B4GALT6: variants seen among roughly 807,000 people sequenced by gnomAD.
B4GALT6 encodes beta-1,4-galactosyltransferase 6, also known as UDP-Gal:beta-GlcNAc beta-1,4-galactosyltransferase 6.
A neutral mutation model predicts 46.3 loss-of-function variants in B4GALT6; 14 were observed. That is an observed-to-expected ratio of 0.30 (90% confidence interval 0.20 to 0.47). The LOEUF (loss-of-function observed/expected upper bound fraction) is 0.47. Among genes scored for constraint, B4GALT6 ranks in the 20% least tolerant of loss-of-function variants. The probability of loss-of-function intolerance (pLI) is 0.99; values close to 1 mark genes in which losing one functional copy is unlikely to be tolerated. For missense variants in B4GALT6, 386 were observed against 480.1 expected (o/e 0.80, Z 1.83); for synonymous variants, 168 against 162.0 (o/e 1.04, Z -0.28).
intron 3 of B4GALT6, among the ~76,000 whole-genome samples, chr18:31,656,414 T>C (rs2074139730): frequency 6.6e-6 from 1 of 152,036 alleles, no homozygotes; most frequent in African/African-American, 2.4e-5. Flanking sequence ...GGGTAGAAGA[T>C]ACACACACAA....
chr18:31,658,461 T>C (rs2074170563), intron 2 of B4GALT6: 1 of 169,616 alleles, frequency 5.9e-6, no homozygotes, highest in Non-Finnish European at 1.3e-5. Context: ...TCCAAACCGC[T>C]GCGTGCTGCT....
At chr18:31,632,288 G>T (rs1000059080) in intron 5 of B4GALT6, among the ~76,000 whole-genome samples, 2 of 152,002 alleles carry the variant, frequency 1.3e-5, no homozygotes, top group African/African-American at 4.8e-5. Context: ...TTTTTCACCA[G>T]TGAAATAAAA....
the B4GALT6 span, among the ~76,000 whole-genome samples, chr18:31,709,340 CAGG>C: frequency 6.6e-6 from 1 of 151,264 alleles, no homozygotes; most frequent in Non-Finnish European, 1.5e-5. Context: ...GCTGGGATTA[CAGG>C]CATGCACCAC....
chr18:31,626,438 G>A, intron 7 of B4GALT6, 54 bp from the exon 8 acceptor site: 2 of 1,004,044 alleles, frequency 2.0e-6, no homozygotes, highest in Non-Finnish European at 1.5e-6. Flanking sequence ...ATGAAAATGG[G>A]TTATGTGAGT....
At chr18:31,709,603 G>GTGTGTGTGTGTA in the B4GALT6 span, among the ~76,000 whole-genome samples, 6 of 135,480 alleles carry the variant, frequency 4.4e-5, no homozygotes, top group African/African-American at 1.8e-4. Flanking sequence ...GTGTGTGTGT[G>GTGTGTGTGTGTA]TATATATATA....
chr18:31,671,700 T>C (rs193243722), intron 1 of B4GALT6, among the ~76,000 whole-genome samples: 8 of 152,326 alleles, frequency 5.3e-5, no homozygotes, highest in Non-Finnish European at 1.2e-4. Context: ...AGACTTTAGG[T>C]AGAGAAAATC....
At chr18:31,711,314 T>C in the B4GALT6 span, among the ~76,000 whole-genome samples, 3 of 152,144 alleles carry the variant, frequency 2.0e-5, no homozygotes, top group African/African-American at 4.8e-5. Flanking sequence ...TACAGGTAAA[T>C]TCATGCCACA....
chr18:31,674,007 T>A (rs2074387585), intron 1 of B4GALT6, among the ~76,000 whole-genome samples: 1 of 152,104 alleles, frequency 6.6e-6, no homozygotes, highest in South Asian at 2.1e-4. Flanking sequence ...CACCTGAAGC[T>A]GGAAGTCGCA....
At chr18:31,685,170 C>G (rs2074531432), upstream of B4GALT6, among the ~76,000 whole-genome samples, 1 of 148,858 alleles carries the variant, frequency 6.7e-6, no homozygotes, top group Non-Finnish European at 1.5e-5. Context: ...GACGAACGCG[C>G]TCCGACTCCG....
intron 3 of B4GALT6, among the ~76,000 whole-genome samples, chr18:31,647,990 A>T (rs568213135): frequency 6.6e-6 from 1 of 152,284 alleles, no homozygotes; most frequent in African/African-American, 2.4e-5. Context: ...TTTAAAAACA[A>T]AACAAAAGGC....
chr18:31,700,468 T>A, the B4GALT6 span, among the ~76,000 whole-genome samples: 14,827 of 148,232 alleles, frequency 0.1, 1,526 homozygotes, highest in African/African-American at 0.27. Context: ...TGTGTGTGTG[T>A]GAGAGAGAGA....
intron 1 of B4GALT6, among the ~76,000 whole-genome samples, chr18:31,677,918 A>C (rs1289121234): frequency 6.6e-6 from 1 of 152,138 alleles, no homozygotes; most frequent in African/African-American, 2.4e-5. Flanking sequence ...CCCAATGGCG[A>C]CCTAGGAAAC....
In B4GALT6 at chr18:31,625,528, A is replaced by G. The variant is rs2073680846; in HGVS notation, c.*86T>C. 1 of 1,468,182 alleles carries G rather than the reference A, an allele frequency of 6.8e-7. No homozygotes were observed. Among genetic ancestry groups the G allele is most frequent in the Non-Finnish European group, 9.4e-7 (1 of 1,060,986 alleles). The allele number at this position is 1,468,182 out of a possible 1,614,324, so 90.9% of individuals were successfully genotyped here. A position where few individuals can be genotyped will look rare whatever the true frequency, so the allele number is the denominator to read the frequency against. On this transcript the variant is annotated 3_prime_UTR_variant, in exon 9 of 9. Transcript: ENST00000306851. ...TTCTCAGAGAAAAGGGCACTGTGAC[A>G]CAGCCAATCACTGACCTCCACTAAG...
chr18:31,693,813 C>T, the B4GALT6 span, among the ~76,000 whole-genome samples: 1 of 151,814 alleles, frequency 6.6e-6, no homozygotes, highest in African/African-American at 2.4e-5. Context: ...ATAAAAAATG[C>T]AAAAATTGCC....
chr18:31,623,527 C>T lies in B4GALT6; in HGVS notation c.*2087G>A, dbSNP rs1177191621. 1 of 152,370 alleles carries T rather than the reference C, an allele frequency of 6.6e-6. No individual in the cohort carries two copies. Among genetic ancestry groups the T allele is most frequent in the Non-Finnish European group, 1.5e-5 (1 of 67,876 alleles). 9.4% of individuals were successfully genotyped at this position (152,370 alleles called of 1,614,324 possible). On this transcript the variant is annotated 3_prime_UTR_variant, in exon 9 of 9. Coordinates refer to ENST00000306851, the MANE Select transcript of B4GALT6 (RefSeq NM_004775.5). ...AAGATACCGAATGTGGACAGCTCCACATTGATCAACAAATGTTAACATTCT... is the reference window on the plus strand; with the variant it reads ...AAGATACCGAATGTGGACAGCTCCATATTGATCAACAAATGTTAACATTCT...
upstream of B4GALT6, among the ~76,000 whole-genome samples, chr18:31,687,115 C>A (rs977926365): frequency 2.0e-5 from 3 of 152,166 alleles, no homozygotes; most frequent in Non-Finnish European, 4.4e-5. Flanking sequence ...CGGCAAGTGT[C>A]CCCCACGGTA....
chr18:31,643,845 G>A (rs936587220), intron 4 of B4GALT6, among the ~76,000 whole-genome samples: 1 of 152,126 alleles, frequency 6.6e-6, no homozygotes, highest in African/African-American at 2.4e-5. Flanking sequence ...CACACCTGAG[G>A]GGTGTGCTAC....
chr18:31,630,417 GT>G lies in B4GALT6; in HGVS notation c.776+541del, dbSNP rs572054741. On this transcript the variant is annotated intron_variant, in intron 6 of 8. Transcript: ENST00000306851. ...CCAATTAGAGAAGGAAAAGATTTGG[GT>G]TTTTTTTTTTTATTATTAAAGGGCA... Among the ~76,000 whole-genome samples, 595 of 147,492 alleles carry G rather than the reference GT, an allele frequency of 4.0e-3. 2 individuals carry two copies. The highest frequency in any genetic ancestry group is 0.012 in the African/African-American group (469 of 40,308).
intron 5 of B4GALT6, 54 bp from the exon 6 acceptor site, chr18:31,631,200 CTTTT>C: frequency 5.2e-6 from 6 of 1,148,112 alleles, no homozygotes; most frequent in East Asian, 2.9e-5. Flanking sequence ...ACTTCATCAT[CTTTT>C]TTTTTTTTTT....
Sources: gnomAD v4.1 joint callset for allele counts (sites outside exome capture counted in the v4.1 genomes callset) on GRCh38, gnomAD v4.1.1 for gene constraint, MANE v1.5 for transcripts, NCBI Gene and HGNC (gene_info 2026-07-23, HGNC 2026-07-21) for gene names.